CSMD3: variants seen among roughly 807,000 people sequenced by gnomAD.
CSMD3 encodes CUB and sushi domain-containing protein 3.
A neutral mutation model predicts 435.2 loss-of-function variants in CSMD3; 177 were observed. That is an observed-to-expected ratio of 0.41 (90% CI 0.36 to 0.46). CSMD3 has a LOEUF of 0.46. CSMD3 is among the 20% of genes least tolerant of loss of function. The probability of loss-of-function intolerance (pLI) is 0.34; values close to 1 mark genes in which losing one functional copy is unlikely to be tolerated. For missense variants in CSMD3, 4,265 were observed against 4,504.6 expected, an observed-to-expected ratio of 0.95 and a Z score of 1.52; for synonymous variants, 1,656 against 1,520.5, an observed-to-expected ratio of 1.09 and a Z score of -2.07.
At chr8:113,204,482 ATTAAT>A (rs1195930184) in intron 3 of CSMD3, among the ~76,000 whole-genome samples, 1 of 152,162 alleles carries the variant, frequency 6.6e-6, no homozygotes, top group Non-Finnish European at 1.5e-5. Context: ...CTAAAATAAT[ATTAAT>A]TTATTATTGA....
At chr8:113,238,074 CAAAAAA>C (rs34316809) in intron 3 of CSMD3, among the ~76,000 whole-genome samples, 15 of 77,580 alleles carry the variant, frequency 1.9e-4, no homozygotes, top group Non-Finnish European at 3.9e-4. Context: ...GACTCCATCT[CAAAAAA>C]AAAAAAAAAA....
At chr8:113,405,267 T>A (rs1261382522) in intron 1 of CSMD3, among the ~76,000 whole-genome samples, 1 of 151,558 alleles carries the variant, frequency 6.6e-6, no homozygotes, top group African/African-American at 2.4e-5. Flanking sequence ...ATCAGGATAT[T>A]TTTGAGTTTT....
At chr8:113,436,533 G>C (rs2094707078) in intron 1 of CSMD3, 144 bp downstream of exon 1, 1 of 826,578 alleles carries the variant, frequency 1.2e-6, no homozygotes, top group Non-Finnish European at 2.1e-6. Flanking sequence ...ATCTGAGGGG[G>C]GGAGAACGAG....
At chr8:112,732,151 G>T (rs1385005395) in intron 13 of CSMD3, among the ~76,000 whole-genome samples, 2 of 151,912 alleles carry the variant, frequency 1.3e-5, no homozygotes, top group Non-Finnish European at 2.9e-5. Flanking sequence ...AGGTTGCATT[G>T]ATACTCAGCT....
At position 112,361,591 on chromosome 8, in the gene CSMD3, A is replaced by ATATG. The variant is rs1554653413; in HGVS notation, c.6137-9058_6137-9057insCATA. The stretch of plus-strand genomic sequence containing the variant: ...CACATACATATATATATATATATAT[A>ATATG]TATATATATATATATATATATATAT... On this transcript the variant is annotated intron_variant, in intron 38 of 70. Transcript: ENST00000297405. Among the ~76,000 whole-genome samples the ATATG allele has an allele frequency of 4.0e-5, 4 of 100,444 alleles. No homozygotes were observed. The East Asian group carries it at 1.2e-3, about 29-fold the overall frequency. 65.9% of individuals were successfully genotyped at this position (100,444 alleles called of 152,430 possible). A position where few individuals can be genotyped will look rare whatever the true frequency, so the allele number is the denominator to read the frequency against.
rs1232369687 is a variant in CSMD3, at chr8:112,556,805, C to G, written c.4192G>C (p.Gly1398Arg). Residue 1398 changes from glycine (G) to arginine (R), a missense_variant, in exon 25 of 71, where the codon GGG (glycine) becomes CGG (arginine). Coordinates refer to ENST00000297405, the MANE Select transcript of CSMD3 (RefSeq NM_198123.2). The stretch of plus-strand genomic sequence containing the variant: ...GGATAGTCCCATGCCCTTCTCTCCC[C>G]TGTCATGCACTTGAGAAGGCTACTT... ...HGSSLLKCMT[G>R]ERRAWDYPLP... The G allele has an allele frequency of 3.1e-6, 5 of 1,612,526 alleles. No individual in the cohort carries two copies. The highest frequency in any genetic ancestry group is 4.2e-6 in the Non-Finnish European group (5 of 1,179,018).
At chr8:113,298,178 T>C (rs924569234) in intron 2 of CSMD3, among the ~76,000 whole-genome samples, 1 of 152,076 alleles carries the variant, frequency 6.6e-6, no homozygotes, top group Non-Finnish European at 1.5e-5. Flanking sequence ...GGAATATAGT[T>C]AGGTTGGTGT....
intron 69 of CSMD3, among the ~76,000 whole-genome samples, chr8:112,231,147 T>C (rs1813047549): frequency 1.3e-5 from 2 of 152,362 alleles, no homozygotes; most frequent in African/African-American, 4.8e-5. Flanking sequence ...TCTCAGAGTG[T>C]CACTACATTT....
chr8:112,948,443 A>T (rs2083690591), intron 8 of CSMD3, among the ~76,000 whole-genome samples: 1 of 152,006 alleles, frequency 6.6e-6, no homozygotes, highest in Non-Finnish European at 1.5e-5. Context: ...AAACCAAAAC[A>T]ATGGCTTTAC....
At chr8:113,023,431 G>A (rs1053153889) in intron 5 of CSMD3, among the ~76,000 whole-genome samples, 10 of 151,498 alleles carry the variant, frequency 6.6e-5, no homozygotes, top group Admixed American at 5.9e-4. Flanking sequence ...GCATGCTCCC[G>A]TGCTTTCTCA....
chr8:112,273,903 A>C (rs1817766347), intron 59 of CSMD3, among the ~76,000 whole-genome samples: 1 of 151,442 alleles, frequency 6.6e-6, no homozygotes, highest in South Asian at 2.1e-4. Flanking sequence ...ACTGCTCTAT[A>C]AAGTTTACAG....
At chr8:113,425,808 A>G (rs1023471594) in intron 1 of CSMD3, among the ~76,000 whole-genome samples, 2 of 151,632 alleles carry the variant, frequency 1.3e-5, no homozygotes, top group South Asian at 2.1e-4. Context: ...CATTTCTATT[A>G]CAAACTTCAT....
chr8:112,228,918 T>C (rs774434928), intron 69 of CSMD3, 27 bp from the exon 70 acceptor site: 1 of 1,164,994 alleles, frequency 8.6e-7, no homozygotes, highest in Admixed American at 1.7e-5. Flanking sequence ...AAATTATAAA[T>C]ACACAACTCT....
intron 11 of CSMD3, among the ~76,000 whole-genome samples, chr8:112,833,685 T>A (rs975244817): frequency 6.7e-6 from 1 of 149,404 alleles, no homozygotes; most frequent in African/African-American, 2.6e-5. Flanking sequence ...AATATATATG[T>A]GTGTATGTGT....
rs1829687507 is a variant in CSMD3 at position 112,573,352 on chromosome 8, T to C, written c.4042+149A>G. The C allele has an allele frequency of 6.8e-6, 5 of 734,968 alleles. No individual in the cohort carries two copies. The Admixed American group carries it at 1.1e-4, about 16-fold the overall frequency. The allele number at this position is 734,968 out of a possible 1,614,324, so 45.5% of individuals were successfully genotyped here. On this transcript the variant is annotated intron_variant, in intron 24 of 70. Transcript: ENST00000297405. ...AAAATACCTGTAACTTACCGGGCTG[T>C]TGTTAGGGTCAAATAAAATTATATA... is the stretch of plus-strand genomic sequence containing the variant.
intron 67 of CSMD3, among the ~76,000 whole-genome samples, 169 bp from the exon 68 acceptor site, chr8:112,234,646 TAA>T (rs534593297): frequency 6.9e-4 from 105 of 152,348 alleles, no homozygotes; most frequent in Middle Eastern, 3.4e-3. Context: ...GCAAATCCTG[TAA>T]TATACATTGA....
intron 19 of CSMD3, among the ~76,000 whole-genome samples, chr8:112,646,061 C>A (rs1028911727): frequency 1.7e-4 from 26 of 152,086 alleles, no homozygotes; most frequent in Admixed American, 1.7e-3. Flanking sequence ...CTAATTTGAT[C>A]CTTGCCCACT....
At chr8:113,282,948 G>A (rs2093622646) in intron 2 of CSMD3, among the ~76,000 whole-genome samples, 1 of 152,012 alleles carries the variant, frequency 6.6e-6, no homozygotes. Flanking sequence ...ACAGCCAACT[G>A]ATCTTTGACA....
intron 32 of CSMD3, among the ~76,000 whole-genome samples, chr8:112,432,919 A>T (rs1305857374): frequency 7.2e-5 from 11 of 151,914 alleles, no homozygotes; most frequent in Admixed American, 5.3e-4. Flanking sequence ...GAAAAAAAAA[A>T]AAAAAGAGTT....
Sources: gnomAD v4.1 joint callset for allele counts (sites outside exome capture counted in the v4.1 genomes callset) on GRCh38, gnomAD v4.1.1 for gene constraint, MANE v1.5 for transcripts, NCBI Gene and HGNC (gene_info 2026-07-23, HGNC 2026-07-21) for gene names.